Variants in HEY1 observed in about 807,000 individuals in gnomAD.
HEY1 encodes hes related family bHLH transcription factor with YRPW motif 1, also known as hairy/enhancer-of-split related with YRPW motif protein 1.
A neutral mutation model predicts 28.7 loss-of-function variants in HEY1; 9 were observed. That is an observed-to-expected ratio of 0.31 (90% CI 0.19 to 0.55). HEY1 has a LOEUF of 0.55. Among genes scored for constraint, HEY1 ranks in the 20% least tolerant of loss-of-function variants. The probability of loss-of-function intolerance (pLI) is 0.93; values close to 1 mark genes in which losing one functional copy is unlikely to be tolerated. For synonymous variants in HEY1, 213 were observed against 175.6 expected (o/e 1.21, Z -1.68); for missense variants, 385 against 399.4 (o/e 0.96, Z 0.31).
chr8:79,767,595 C>T lies in HEY1; in HGVS notation c.69G>A (p.Lys23=). ...CTCACCCATTCTCGTCCGCACTCTC[C>T]TTCTCCACCTCGATGGTCTCGTCCA... is the stretch of plus-strand genomic sequence containing the variant. ...SELDETIEVE[K]ESADENGNLS... Residue 23 remains lysine (K), a synonymous_variant, in exon 1 of 5, where the codon AAG becomes AAA. Transcript: ENST00000354724. 1 of 1,610,182 alleles carries T rather than the reference C, an allele frequency of 6.2e-7. No homozygotes were observed. The highest frequency in any genetic ancestry group is 8.5e-7 in the Non-Finnish European group (1 of 1,178,792).
At position 79,766,721 on chromosome 8, in the gene HEY1, C is replaced by T; in HGVS notation, c.261G>A (p.Lys87=). 3 of 1,614,192 alleles carry T rather than the reference C, an allele frequency of 1.9e-6. No homozygotes were observed. Among genetic ancestry groups the T allele is most frequent in the Non-Finnish European group, 2.5e-6 (3 of 1,180,024 alleles). Residue 87 remains lysine, a synonymous_variant, in exon 4 of 5, where the codon AAG becomes AAA. Transcript: ENST00000354724. The stretch of plus-strand genomic sequence containing the variant: ...TCTGCAGGATCTCGGCTTTTTCTAG[C>T]TTAGCAGATCCCTAAAGATGAGAAT... ...PSAFEKQGSA[K]LEKAEILQMT...
chr8:79,765,765 A>T lies in HEY1; in HGVS notation c.338T>A (p.Phe113Tyr), dbSNP rs766919571. Residue 113 changes from phenylalanine (F) to tyrosine (Y), a missense_variant, in exon 5 of 5, where the codon TTT becomes TAT. By Grantham distance (22) the Phe-to-Tyr change is conservative. Transcript: ENST00000354724. The part of the protein sequence containing the change: ...MLHTAGGKGY[F>Y]DAHALAMDYR... ...GTCCATAGCAAGGGCGTGCGCGTCAAAGTAACCTAAGCAAAAGAACAAAAG... is the reference window on the plus strand; with the variant it reads ...GTCCATAGCAAGGGCGTGCGCGTCATAGTAACCTAAGCAAAAGAACAAAAG... The T allele has an allele frequency of 1.2e-6, 2 of 1,602,890 alleles. No individual in the cohort carries two copies. The highest frequency in any genetic ancestry group is 1.7e-6 in the Non-Finnish European group (2 of 1,171,448).
At position 79,764,597 on chromosome 8, in the gene HEY1, C is replaced by T. The variant is rs1807781552; in HGVS notation, c.*591G>A. 1 of 224,866 alleles carries T rather than the reference C, an allele frequency of 4.4e-6. No homozygotes were observed. Among genetic ancestry groups the T allele is most frequent in the Admixed American group, 5.7e-5 (1 of 17,510 alleles). 13.9% of individuals were successfully genotyped at this position (224,866 alleles called of 1,614,324 possible). A position where few individuals can be genotyped will look rare whatever the true frequency, so the allele number is the denominator to read the frequency against. On this transcript the variant is annotated 3_prime_UTR_variant, in exon 5 of 5. Transcript: ENST00000354724. ...TCACCTTTCTGCTATAGGAGGCAGA[C>T]AATTTACTAGTCTTCTTTCTTGGAT...
chr8:79,766,774 C>T, intron 3 of HEY1, 42 bp from the exon 4 acceptor site: 1 of 1,580,806 alleles, frequency 6.3e-7, no homozygotes, highest in Non-Finnish European at 8.7e-7. Context: ...GCACAAGTTC[C>T]TTTGGGGAAC....
chr8:79,766,150 G>A (rs1807827697), intron 4 of HEY1: 4 of 1,335,792 alleles, frequency 3.0e-6, no homozygotes, highest in East Asian at 2.5e-5. Context: ...GGAGCTTTTA[G>A]GCACTTGGAC....
At chr8:79,765,802 G>A in intron 4 of HEY1, 31 bp from the exon 5 acceptor site, 6 of 1,560,174 alleles carry the variant, frequency 3.8e-6, no homozygotes, top group South Asian at 1.2e-5. Context: ...AAAATCTCAG[G>A]GCTTTGCCCG....
chr8:79,765,292 A>G lies in HEY1; in HGVS notation c.811T>C (p.Phe271Leu), dbSNP rs61753715. The G allele has an allele frequency of 8.3e-3, 12,849 of 1,557,002 alleles. 79 individuals carry two copies. Among genetic ancestry groups the G allele is most frequent in the Non-Finnish European group, 9.7e-3 (11,136 of 1,149,406 alleles). The change falls in exon 5 of 5, where the codon TTC (phenylalanine) becomes CTC (leucine). Residue 271 changes from phenylalanine (F) to leucine (L), a missense_variant. By Grantham distance (22) the Phe-to-Leu change is conservative. This residue lies in a region of HEY1 where 223 missense variants were observed against 215.9 expected (regional missense o/e 1.03). Coordinates refer to ENST00000354724, the MANE Select transcript of HEY1 (RefSeq NM_012258.4). ...AGTGCATTGGGAGACAGTAAGTGGA[A>G]GGAGCCGAAAGAGAAGGGGAAGGCC... ...LSAFPFSFGS[F>L]HLLSPNALSP...
At chr8:79,766,601 C>T in intron 4 of HEY1, 50 bp downstream of exon 4, 1 of 1,610,626 alleles carries the variant, frequency 6.2e-7, no homozygotes, top group African/African-American at 1.3e-5. Context: ...TCAGCCGCTG[C>T]TCACTCTTTG....
chr8:79,766,060 A>G, intron 4 of HEY1: 1 of 691,766 alleles, frequency 1.4e-6, no homozygotes, highest in Non-Finnish European at 2.3e-6. Flanking sequence ...TTCCCTCAAC[A>G]ACAACAAAAA....
intron 4 of HEY1, chr8:79,766,351 C>CA: frequency 6.7e-7 from 1 of 1,485,636 alleles, no homozygotes; most frequent in Non-Finnish European, 8.9e-7. Context: ...TAGCAATGGA[C>CA]AAATGTGAAA....
In HEY1 at chr8:79,765,135, T is replaced by C. The variant is rs1013015043; in HGVS notation, c.*53A>G. 1 of 1,305,516 alleles carries C rather than the reference T, an allele frequency of 7.7e-7. No individual in the cohort carries two copies. Among genetic ancestry groups the C allele is most frequent in the Non-Finnish European group, 1.0e-6 (1 of 953,714 alleles). 80.9% of individuals were successfully genotyped at this position (1,305,516 alleles called of 1,614,324 possible). On this transcript the variant is annotated 3_prime_UTR_variant, in exon 5 of 5. Coordinates refer to ENST00000354724, the MANE Select transcript of HEY1 (RefSeq NM_012258.4). ...GACTTTAAGGTGATGTTGGCAACAG[T>C]CCAGCCCAGCTGGGATTTTAAACTT...
chr8:79,767,121 G>T (rs765346979), intron 2 of HEY1, 29 bp from the exon 3 acceptor site: 3 of 1,593,260 alleles, frequency 1.9e-6, no homozygotes, highest in Non-Finnish European at 2.6e-6. Flanking sequence ...ACAAAGGAAG[G>T]CATTACCATT....
In HEY1 at chr8:79,767,610, G is replaced by A. The variant is rs1488438354; in HGVS notation, c.54C>T (p.Thr18=). Reference sequence around the variant, plus strand: ...CCGCACTCTCCTTCTCCACCTCGATGGTCTCGTCCAGCTCGCTGTCCGAGG... The same window carrying A: ...CCGCACTCTCCTTCTCCACCTCGATAGTCTCGTCCAGCTCGCTGTCCGAGG... The part of the protein sequence containing the change: ...YSSSDSELDE[T]IEVEKESADE... Residue 18 remains threonine (T), a synonymous_variant, in exon 1 of 5, where the codon ACC becomes ACT. Coordinates refer to ENST00000354724, the MANE Select transcript of HEY1 (RefSeq NM_012258.4). The A allele has an allele frequency of 4.3e-6, 7 of 1,610,706 alleles. No homozygotes were observed. Among genetic ancestry groups the A allele is most frequent in the Non-Finnish European group, 5.9e-6 (7 of 1,178,948 alleles).
chr8:79,765,671 T>C lies in HEY1; in HGVS notation c.432A>G (p.Leu144=). ...VARYLSIIEG[L]DASDPLRVRL... is the part of the protein sequence containing the mutation. Reference sequence around the variant, plus strand: ...GAACTCGAAGCGGGTCAGAGGCATCTAGTCCTTCAATGATGCTCAGATAAC... The same window carrying C: ...GAACTCGAAGCGGGTCAGAGGCATCCAGTCCTTCAATGATGCTCAGATAAC... Residue 144 remains leucine, a synonymous_variant, in exon 5 of 5, where the codon CTA becomes CTG. Coordinates refer to ENST00000354724, the MANE Select transcript of HEY1 (RefSeq NM_012258.4). 6.2e-7 allele frequency: 1 copy of C among 1,614,248 alleles called. No homozygotes were observed. Among genetic ancestry groups the C allele is most frequent in the Middle Eastern group, 1.6e-4 (1 of 6,062 alleles).
Position 79,765,166 on chromosome 8 carries a change from T to TCC in HEY1, c.*20_*21dup. 6.7e-7 allele frequency: 1 copy of TCC among 1,491,544 alleles called. No homozygotes were observed. The highest frequency in any genetic ancestry group is 2.5e-5 in the East Asian group (1 of 40,340). The allele number at this position is 1,491,544 out of a possible 1,614,324, so 92.4% of individuals were successfully genotyped here. On this transcript the variant is annotated 3_prime_UTR_variant, in exon 5 of 5. Transcript: ENST00000354724. ...CCAGCTGGGATTTTAAACTTTCCCC[T>TCC]CCCTCATTCTACATCAGTTCTTTAA...
In HEY1 at chr8:79,765,256, C is replaced by G. The variant is rs1429319242; in HGVS notation, c.847G>C (p.Ala283Pro). 5.1e-6 allele frequency: 8 copies of G among 1,554,386 alleles called. No homozygotes were observed. Among genetic ancestry groups the G allele is most frequent in the Non-Finnish European group, 7.0e-6 (8 of 1,148,080 alleles). ...CCAAGGTTTGCAGCCTGCGTGGGTG[C>G]TGAAGGGCTCAGTGCATTGGGAGAC... The part of the protein sequence containing the change: ...LLSPNALSPS[A>P]PTQAANLGKP... The change falls in exon 5 of 5, where the codon GCA becomes CCA. Residue 283 changes from alanine to proline, a missense_variant. Ala to Pro is a conservative substitution (Grantham distance 27, BLOSUM62 -1). Around this residue, in one of 3 missense-constraint regions of HEY1, gnomAD observed 223 missense variants for 215.9 expected, o/e 1.03. Transcript: ENST00000354724.
rs1375069266 is a variant in HEY1, at chr8:79,764,796, C to T, written c.*392G>A. 2 of 228,186 alleles carry T rather than the reference C, an allele frequency of 8.8e-6. No homozygotes were observed. Among genetic ancestry groups the T allele is most frequent in the Non-Finnish European group, 1.7e-5 (2 of 115,666 alleles). The allele number at this position is 228,186 out of a possible 1,614,324, so 14.1% of individuals were successfully genotyped here. A position where few individuals can be genotyped will look rare whatever the true frequency, so the allele number is the denominator to read the frequency against. ...TTGGAAAATTAATTCTAAAAACAGA[C>T]CATAACTATACAAGGAGAAAAACAG... is the stretch of plus-strand genomic sequence containing the variant. On this transcript the variant is annotated 3_prime_UTR_variant, in exon 5 of 5. Coordinates refer to ENST00000354724, the MANE Select transcript of HEY1 (RefSeq NM_012258.4).
intron 4 of HEY1, chr8:79,766,271 C>A (rs1301742017): frequency 2.0e-6 from 3 of 1,526,740 alleles, no homozygotes; most frequent in Non-Finnish European, 2.6e-6. Flanking sequence ...CATGTGGCAG[C>A]ACCTTTTTTT....
At position 79,765,583 on chromosome 8, in the gene HEY1, C is replaced by T; in HGVS notation, c.520G>A (p.Gly174Ser). 6.2e-7 allele frequency: 1 copy of T among 1,614,190 alleles called. No homozygotes were observed. Among genetic ancestry groups the T allele is most frequent in the Non-Finnish European group, 8.5e-7 (1 of 1,180,038 alleles). ...QREAASGAHAGLGHIPWGTVF... is the reference protein window; with the variant it reads ...QREAASGAHASLGHIPWGTVF... ...GTCCCCCAGGGAATGTGTCCGAGGC[C>T]CGCGTGGGCGCCGCTCGCGGCTTCC... The change falls in exon 5 of 5, where the codon GGC becomes AGC. Residue 174 changes from glycine to serine, a missense_variant. This residue lies in a region of HEY1 where 223 missense variants were observed against 215.9 expected (regional missense o/e 1.03). Coordinates refer to ENST00000354724, the MANE Select transcript of HEY1 (RefSeq NM_012258.4).
Sources: gnomAD v4.1 joint callset for allele counts on GRCh38, gnomAD v4.1.1 for gene constraint, gnomAD v4.1.1 regional missense constraint, MANE v1.5 for transcripts, NCBI Gene and HGNC (gene_info 2026-07-23, HGNC 2026-07-21) for gene names.